The following NTN4 variants were observed in gnomAD, a reference collection of about 807,000 sequenced individuals.
NTN4 encodes the protein netrin 4, also known as netrin-4.
NTN4 carries 32 observed loss-of-function variants against 73.6 expected under a neutral mutation model. The observed-to-expected ratio is 0.44, with a 90% CI of 0.33 to 0.58. The LOEUF is 0.58. Ranked by LOEUF, NTN4 falls within the 20% of genes least tolerant of loss-of-function variation. The pLI, the probability that NTN4 is intolerant of heterozygous loss-of-function variation, is 0.04. For missense variants in NTN4, 654 were observed against 798.3 expected (o/e 0.82, Z 2.18); for synonymous variants, 258 against 287.5 (o/e 0.90, Z 1.04).
chr12:95,774,377 C>G (rs1362992524), intron 2 of NTN4, among the ~76,000 whole-genome samples: 2 of 152,124 alleles, frequency 1.3e-5, no homozygotes, highest in Admixed American at 6.5e-5. Context: ...AACTAAGGAG[C>G]TTCTTGTGAG....
At chr12:95,714,955 G>A (rs185574906) in intron 3 of NTN4, among the ~76,000 whole-genome samples, 5 of 152,210 alleles carry the variant, frequency 3.3e-5, no homozygotes, top group East Asian at 1.9e-4. Context: ...CAGCCACACC[G>A]ATACACTGAT....
chr12:95,687,384 A>AT (rs957571119), intron 5 of NTN4, among the ~76,000 whole-genome samples: 158 of 150,760 alleles, frequency 1.0e-3, no homozygotes, highest in African/African-American at 3.6e-3. Flanking sequence ...GTGAAAAAAA[A>AT]TTTTTTTTTT....
At chr12:95,702,522 A>C (rs920726794) in intron 5 of NTN4, among the ~76,000 whole-genome samples, 3 of 152,142 alleles carry the variant, frequency 2.0e-5, no homozygotes, top group Non-Finnish European at 4.4e-5. Context: ...ACCTACATTG[A>C]AGTGCTTTAG....
At chr12:95,729,615 G>GAC in intron 3 of NTN4, among the ~76,000 whole-genome samples, 1 of 58,390 alleles carries the variant, frequency 1.7e-5, no homozygotes, top group Non-Finnish European at 3.9e-5. Context: ...TTATTATAAA[G>GAC]AGAGAGAGAG....
chr12:95,777,807 C>T (rs1173165731), intron 2 of NTN4, among the ~76,000 whole-genome samples: 1 of 152,144 alleles, frequency 6.6e-6, no homozygotes, highest in Non-Finnish European at 1.5e-5. Context: ...AGCTCTGCAC[C>T]AACTGGACCT....
chr12:95,744,854 CTTCT>C (rs2078850522), intron 2 of NTN4, among the ~76,000 whole-genome samples: 4 of 81,240 alleles, frequency 4.9e-5, no homozygotes, highest in Non-Finnish European at 9.9e-5. Flanking sequence ...TTTTTTTTGG[CTTCT>C]TTATGTCTGA....
chr12:95,665,566 T>G (rs1215032702), intron 9 of NTN4: 3 of 291,586 alleles, frequency 1.0e-5, no homozygotes, highest in Non-Finnish European at 1.9e-5. Context: ...AGCCTCCTCT[T>G]TTAGGATAGA....
In NTN4 at chr12:95,781,736, T is replaced by A. The variant is rs558976904; in HGVS notation, c.585+5203A>T. On this transcript the variant is annotated intron_variant, in intron 2 of 9. Transcript: ENST00000343702. This position sits in a 1 kb window ranked among gnomAD's most constrained non-coding sequence, Gnocchi z 4.1. ...AATTGAATAAAAGTAATAATTAATT[T>A]AAAAAAATAGAAAAATAAAAATAGC... Among the ~76,000 whole-genome samples the A allele has an allele frequency of 7.2e-5, 11 of 152,210 alleles. No individual in the cohort carries two copies. Among genetic ancestry groups the A allele is most frequent in the African/African-American group, 2.4e-4 (10 of 41,528 alleles).
chr12:95,790,604 T>A lies in NTN4; in HGVS notation c.-295A>T, dbSNP rs1283809520. ...GCTGCGCTGCCCCGCGGAGCGGCCC[T>A]GCGGGCTCGTCTGCCGCTAGCCCGG... On this transcript the variant is annotated 5_prime_UTR_variant, in exon 1 of 10. Coordinates refer to ENST00000343702, the MANE Select transcript of NTN4 (RefSeq NM_021229.4). This position sits in a 1 kb window ranked among gnomAD's most constrained non-coding sequence, Gnocchi z 6.5. The A allele has an allele frequency of 4.3e-6, 1 of 232,818 alleles. No individual in the cohort carries two copies. Among genetic ancestry groups the A allele is most frequent in the Non-Finnish European group, 8.3e-6 (1 of 120,982 alleles). 14.4% of individuals were successfully genotyped at this position (232,818 alleles called of 1,614,324 possible). A position where few individuals can be genotyped will look rare whatever the true frequency, so the allele number is the denominator to read the frequency against.
chr12:95,708,708 G>A (rs570420784), intron 5 of NTN4, among the ~76,000 whole-genome samples: 5 of 152,166 alleles, frequency 3.3e-5, no homozygotes, highest in East Asian at 1.9e-4. Context: ...CCCACCTGGC[G>A]TAGTTTTCGT....
chr12:95,773,341 T>G (rs1199851070), intron 2 of NTN4, among the ~76,000 whole-genome samples: 4 of 152,190 alleles, frequency 2.6e-5, no homozygotes, highest in Non-Finnish European at 5.9e-5. Context: ...TAAAAACAAA[T>G]GACTTTATAA....
chr12:95,717,326 T>C lies in NTN4; in HGVS notation c.865-3988A>G, dbSNP rs116938078. ...CTCAGGAGTCCGCAGATATTTAGAG[T>C]TACCTCGTCAAACATTCACATGTAT... On this transcript the variant is annotated intron_variant, in intron 3 of 9. Coordinates refer to ENST00000343702, the MANE Select transcript of NTN4 (RefSeq NM_021229.4). Among the ~76,000 whole-genome samples, 62 of 152,148 alleles carry C rather than the reference T, an allele frequency of 4.1e-4. No homozygotes were observed. In the East Asian group the frequency reaches 7.2e-3, roughly 18 times the overall value.
chr12:95,678,737 T>C (rs934525020), intron 7 of NTN4, among the ~76,000 whole-genome samples: 1 of 151,926 alleles, frequency 6.6e-6, no homozygotes, highest in Non-Finnish European at 1.5e-5. Context: ...CTGGAATCAG[T>C]AAACAAGTTC....
chr12:95,720,250 C>T (rs913922916), intron 3 of NTN4, among the ~76,000 whole-genome samples: 3 of 152,208 alleles, frequency 2.0e-5, no homozygotes, highest in Middle Eastern at 3.4e-3. Context: ...TGGGACTTCC[C>T]GGAGGAGGGA....
chr12:95,764,783 A>G (rs2079009850), intron 2 of NTN4, among the ~76,000 whole-genome samples: 1 of 152,230 alleles, frequency 6.6e-6, no homozygotes, highest in African/African-American at 2.4e-5. Flanking sequence ...AGTTCTTGGA[A>G]AATGAGTGTG....
At chr12:95,672,529 C>T (rs2078240962) in intron 7 of NTN4, 1 of 1,525,886 alleles carries the variant, frequency 6.6e-7, no homozygotes, top group African/African-American at 1.4e-5. Context: ...TGCCATTGAT[C>T]AGATGTGGCC....
intron 8 of NTN4, among the ~76,000 whole-genome samples, chr12:95,667,392 G>A (rs947831138): frequency 6.6e-6 from 1 of 151,738 alleles, no homozygotes; most frequent in African/African-American, 2.4e-5. Flanking sequence ...AGTTCTTATC[G>A]GCTTATCCAC....
At chr12:95,659,469 C>A (rs1208737933) in intron 9 of NTN4, among the ~76,000 whole-genome samples, 2 of 151,920 alleles carry the variant, frequency 1.3e-5, no homozygotes, top group African/African-American at 4.8e-5. Flanking sequence ...CTAATTTTTT[C>A]ATATTTTTTG....
intron 8 of NTN4, 55 bp from the exon 9 acceptor site, chr12:95,666,035 A>G (rs2078177062): frequency 1.6e-6 from 2 of 1,278,048 alleles, no homozygotes; most frequent in Middle Eastern, 2.6e-4. Flanking sequence ...TTGAAGTTTG[A>G]ATAACACTCA....
Sources: allele counts gnomAD v4.1 joint callset (sites outside exome capture counted in the v4.1 genomes callset), GRCh38; gene constraint gnomAD v4.1.1; non-coding constraint Gnocchi (gnomAD v3.1); transcripts MANE v1.5; gene names NCBI Gene and HGNC (gene_info 2026-07-23, HGNC 2026-07-21).